The following SMARCC1 variants were observed in gnomAD, a reference collection of about 807,000 sequenced individuals.
SMARCC1 encodes the protein SWI/SNF complex subunit SMARCC1.
A neutral mutation model predicts 147.4 loss-of-function variants in SMARCC1; 43 were observed. The observed-to-expected ratio is 0.29, with a 90% CI of 0.23 to 0.38. SMARCC1 has a LOEUF of 0.38. SMARCC1 is among the 10% of genes least tolerant of loss of function. SMARCC1 has a pLI of 1.00. For missense variants in SMARCC1, 1,119 were observed against 1,381.1 expected (o/e 0.81, Z 3.01); for synonymous variants, 495 against 484.4 (o/e 1.02, Z -0.29).
chr3:47,720,836 G>A, intron 6 of SMARCC1, 101 bp from the exon 7 acceptor site: 4 of 956,606 alleles, frequency 4.2e-6, no homozygotes, highest in Non-Finnish European at 6.5e-6. Context: ...GTTTGCTAAC[G>A]AACAACATTT....
At chr3:47,611,244 C>T (rs1239457070) in intron 25 of SMARCC1, among the ~76,000 whole-genome samples, 2 of 152,190 alleles carry the variant, frequency 1.3e-5, no homozygotes, top group African/African-American at 4.8e-5. Flanking sequence ...ATAACATCTC[C>T]ATCCCATCAT....
At chr3:47,753,921 T>C (rs939130665) in intron 2 of SMARCC1, among the ~76,000 whole-genome samples, 6 of 152,208 alleles carry the variant, frequency 3.9e-5, no homozygotes, top group South Asian at 2.1e-4. Context: ...TCCTCACACC[T>C]TGAAAATGGT....
chr3:47,703,549 A>C (rs1470204412), intron 10 of SMARCC1, among the ~76,000 whole-genome samples: 1 of 152,228 alleles, frequency 6.6e-6, no homozygotes, highest in Non-Finnish European at 1.5e-5. Context: ...CAGGATGTAG[A>C]ATAATGGCCA....
Position 47,745,932 on chromosome 3 carries a change from T to C in SMARCC1, c.377A>G (p.Tyr126Cys). 3.8e-6 allele frequency: 6 copies of C among 1,581,714 alleles called. No homozygotes were observed. Among genetic ancestry groups the C allele is most frequent in the Admixed American group, 2.0e-5 (1 of 51,206 alleles). Residue 126 changes from tyrosine (Y) to cysteine (C), a missense_variant, in exon 3 of 28, where the codon TAC (tyrosine) becomes TGC (cysteine). Coordinates refer to ENST00000254480, the MANE Select transcript of SMARCC1 (RefSeq NM_003074.4). The stretch of plus-strand genomic sequence containing the variant: ...CCATCCCTGTTCATTTTTATACTTG[T>C]AAGCAGCCCCAAGAATGTGACATAA... The part of the protein sequence containing the change: ...GALCHILGAA[Y>C]KYKNEQGWRR...
chr3:47,671,196 A>AAAAAAAAAAAAAAAAAAACAAC (rs753672169), intron 18 of SMARCC1, among the ~76,000 whole-genome samples: 1 of 81,144 alleles, frequency 1.2e-5, no homozygotes, highest in Non-Finnish European at 2.4e-5. Flanking sequence ...AAAAAAAAAA[A>AAAAAAAAAAAAAAAAAAACAAC]AACACACACA....
At chr3:47,597,824 T>C (rs978180089) in intron 26 of SMARCC1, among the ~76,000 whole-genome samples, 4 of 152,142 alleles carry the variant, frequency 2.6e-5, no homozygotes, top group African/African-American at 9.7e-5. Flanking sequence ...AGGGCGAGCA[T>C]GGAGCTGAGA....
At chr3:47,594,068 G>A (rs2032228710) in intron 26 of SMARCC1, among the ~76,000 whole-genome samples, 1 of 152,010 alleles carries the variant, frequency 6.6e-6, no homozygotes, top group Non-Finnish European at 1.5e-5. Flanking sequence ...GAGAGGCTGA[G>A]GCAGGAGAAC....
intron 5 of SMARCC1, 48 bp from the exon 6 acceptor site, chr3:47,729,142 G>C: frequency 8.9e-7 from 1 of 1,128,358 alleles, no homozygotes; most frequent in Non-Finnish European, 1.3e-6. Context: ...ACATGGCAAT[G>C]AACTATGAGA....
chr3:47,714,611 G>A (rs566325997), intron 7 of SMARCC1, 121 bp from the exon 8 acceptor site: 164 of 603,652 alleles, frequency 2.7e-4, no homozygotes, highest in Admixed American at 6.8e-4. Flanking sequence ...TGGTCAACAT[G>A]GTGAAACTGC....
chr3:47,719,103 C>CG, intron 7 of SMARCC1, among the ~76,000 whole-genome samples: 1 of 151,738 alleles, frequency 6.6e-6, no homozygotes, highest in Non-Finnish European at 1.5e-5. Context: ...TTAGTAGAGA[C>CG]GGGGGTTTCA....
At chr3:47,717,574 A>AT (rs1393752655) in intron 7 of SMARCC1, among the ~76,000 whole-genome samples, 5 of 152,154 alleles carry the variant, frequency 3.3e-5, no homozygotes, top group African/African-American at 1.2e-4. Flanking sequence ...TTTTATTTTT[A>AT]TTTTTTTGAG....
At chr3:47,699,311 A>T (rs996529776) in intron 11 of SMARCC1, among the ~76,000 whole-genome samples, 1 of 152,208 alleles carries the variant, frequency 6.6e-6, no homozygotes, top group African/African-American at 2.4e-5. Flanking sequence ...AAGGACAAGT[A>T]CTAATTCTCC....
At chr3:47,594,960 A>G (rs890435213) in intron 26 of SMARCC1, among the ~76,000 whole-genome samples, 13 of 152,132 alleles carry the variant, frequency 8.5e-5, no homozygotes, top group African/African-American at 2.9e-4. Flanking sequence ...CCACTCCTCT[A>G]TTCTCCATCT....
intron 2 of SMARCC1, among the ~76,000 whole-genome samples, chr3:47,763,572 A>G (rs1288183103): frequency 3.3e-5 from 5 of 151,860 alleles, no homozygotes; most frequent in Non-Finnish European, 7.4e-5. Flanking sequence ...AGCTCAGAGG[A>G]CCCACTCACC....
At chr3:47,760,200 G>A (rs1305783081) in intron 2 of SMARCC1, among the ~76,000 whole-genome samples, 1 of 151,936 alleles carries the variant, frequency 6.6e-6, no homozygotes, top group Non-Finnish European at 1.5e-5. Context: ...CTGTTAATCA[G>A]CTACTTTAGA....
rs571580124 is a variant in SMARCC1 at position 47,618,153 on chromosome 3, C to T, written c.2781+4054G>A. On this transcript the variant is annotated intron_variant, in intron 25 of 27. Transcript: ENST00000254480. ...CAGCGTTGTGTATTGGGATGGAGTC[C>T]GGAGAGTATTTTCCCAACATTTTCA... Among the ~76,000 whole-genome samples the T allele has an allele frequency of 2.2e-4, 33 of 152,032 alleles. No homozygotes were observed. The South Asian group carries it at 6.0e-3, about 28-fold the overall frequency.
chr3:47,739,419 C>G (rs2106833059), intron 3 of SMARCC1, among the ~76,000 whole-genome samples: 1 of 152,280 alleles, frequency 6.6e-6, no homozygotes, highest in South Asian at 2.1e-4. Flanking sequence ...CTCCTGGGCT[C>G]AGGGGATACT....
In SMARCC1 at chr3:47,676,040, TA is replaced by T. The variant is rs551400875; in HGVS notation, c.1726-453del. ...TACCCACACTTCTACACTATACTTC[TA>T]ACAAAAATTCAACATATAAGTCACA... On this transcript the variant is annotated intron_variant, in intron 17 of 27. Coordinates refer to ENST00000254480, the MANE Select transcript of SMARCC1 (RefSeq NM_003074.4). Among the ~76,000 whole-genome samples the T allele has an allele frequency of 6.7e-3, 1,023 of 152,250 alleles. 6 individuals are homozygous for T. Among genetic ancestry groups the T allele is most frequent in the Non-Finnish European group, 0.01 (707 of 68,012 alleles).
intron 6 of SMARCC1, among the ~76,000 whole-genome samples, chr3:47,724,050 C>A (rs536008048): frequency 6.6e-6 from 1 of 152,166 alleles, no homozygotes; most frequent in African/African-American, 2.4e-5. Flanking sequence ...GGAACCATTG[C>A]GCACCGTTGG....
Sources: allele counts gnomAD v4.1 joint callset (sites outside exome capture counted in the v4.1 genomes callset), GRCh38; gene constraint gnomAD v4.1.1; transcripts MANE v1.5; gene names NCBI Gene and HGNC (gene_info 2026-07-23, HGNC 2026-07-21).